The following GET4 variants were observed in gnomAD, a reference collection of about 807,000 sequenced individuals.
GET4 encodes Golgi to ER traffic protein 4 homolog.
A neutral mutation model predicts 40.0 loss-of-function variants in GET4; 20 were observed. The ratio of observed to expected loss-of-function variants is 0.50; its 90% CI spans 0.35 to 0.73. The LOEUF is 0.73. GET4 is among the 30% of genes least tolerant of loss of function. The probability of loss-of-function intolerance (pLI) is 0.01; values close to 1 mark genes in which losing one functional copy is unlikely to be tolerated. For synonymous variants in GET4, 280 were observed against 194.6 expected (o/e 1.44, Z -3.65); for missense variants, 557 against 454.0 (o/e 1.23, Z -2.06).
At chr7:878,270 C>G (rs1402546644) in intron 1 of GET4, 3 of 470,988 alleles carry the variant, frequency 6.4e-6, no homozygotes, top group Admixed American at 2.3e-5. Flanking sequence ...GTCTTCAGGA[C>G]TGCTCTGTTC....
Position 877,090 on chromosome 7 carries a change from C to G in GET4, c.155+290C>G, listed in dbSNP as rs1008539394. On this transcript the variant is annotated intron_variant, in intron 1 of 8. Transcript: ENST00000265857. ...CCTACTCCCAGCCTCCACCTGTTCCCTCCTCCGTCCCCACACGCCCCTCGG... is the reference window on the plus strand; with the variant it reads ...CCTACTCCCAGCCTCCACCTGTTCCGTCCTCCGTCCCCACACGCCCCTCGG... Among the ~76,000 whole-genome samples the G allele has an allele frequency of 5.9e-5, 9 of 151,782 alleles. No homozygotes were observed. The South Asian group carries it at 6.2e-4, about 11-fold the overall frequency.
chr7:878,920 A>G (rs891781561), intron 1 of GET4, among the ~76,000 whole-genome samples: 2 of 152,068 alleles, frequency 1.3e-5, no homozygotes, highest in Non-Finnish European at 2.9e-5. Context: ...TTTATAGCAA[A>G]ATGGAGTGTG....
intron 4 of GET4, 24 bp from the exon 5 acceptor site, chr7:890,904 C>A (rs1305480012): frequency 4.5e-6 from 7 of 1,561,624 alleles, no homozygotes; most frequent in Non-Finnish European, 6.2e-6. Context: ...AATGTATTTA[C>A]ATTTTTCTGT....
rs541379889 is a variant in GET4, at chr7:892,302, T to A, written c.630T>A (p.Ser210Arg). ...VLQFLCLKNK[S>R]SASVVFTTYT... is the part of the protein sequence containing the mutation. ...GGTTTCTCTGTTTAAAAAACAAAAG[T>A]AGCGCATCGGTGGTCTTCACGACGT... Residue 210 changes from serine to arginine, a missense_variant, in exon 6 of 9, where the codon AGT becomes AGA. Physicochemically the swap from Ser to Arg is moderately radical, Grantham distance 110. Transcript: ENST00000265857. 6.3e-7 allele frequency: 1 copy of A among 1,589,480 alleles called. No homozygotes were observed. Among genetic ancestry groups the A allele is most frequent in the East Asian group, 2.3e-5 (1 of 44,046 alleles).
At chr7:885,824 A>T in intron 1 of GET4, 3 of 537,432 alleles carry the variant, frequency 5.6e-6, no homozygotes, top group Non-Finnish European at 1.0e-5. Flanking sequence ...CTCCTGGTGT[A>T]TTTGGACACA....
chr7:878,306 C>A lies in GET4; in HGVS notation c.155+1506C>A, dbSNP rs191363425. On this transcript the variant is annotated intron_variant, in intron 1 of 8. Transcript: ENST00000265857. ...CAGTATTTTTGCTGTCATACAGTTA[C>A]TGCAGAATGTTCAGTTGTTCTGTGT... is the stretch of plus-strand genomic sequence containing the variant. 9.3e-4 allele frequency: 440 copies of A among 471,146 alleles called. 5 individuals carry two copies. In the East Asian group the frequency reaches 0.028, roughly 30 times the overall value. The allele number at this position is 471,146 out of a possible 1,614,324, so 29.2% of individuals were successfully genotyped here.
At chr7:877,264 C>G (rs961611880) in intron 1 of GET4, among the ~76,000 whole-genome samples, 13 of 150,166 alleles carry the variant, frequency 8.7e-5, no homozygotes, top group South Asian at 2.1e-4. Flanking sequence ...CCCGGCCTCT[C>G]CCGGCCCCTC....
chr7:887,838 C>G (rs1338468009), intron 4 of GET4, among the ~76,000 whole-genome samples: 27 of 152,240 alleles, frequency 1.8e-4, no homozygotes. Flanking sequence ...CTTTCCAGCG[C>G]TGGGATGGTG....
chr7:877,161 C>G (rs1024908042), intron 1 of GET4, among the ~76,000 whole-genome samples: 4 of 151,756 alleles, frequency 2.6e-5, no homozygotes, highest in South Asian at 2.1e-4. Context: ...CCTTCGGTCT[C>G]TGTCTCTCTC....
rs775630074 is a variant in GET4 at position 895,347 on chromosome 7, C to T, written c.909C>T (p.Thr303=). ...TCTTCTTTCCAGGGAACCTTCTGAC[C>T]AGCCTCATGGGCTCCTCAGAGCAGG... ...SYGGLLGNLL[T]SLMGSSEQED... Residue 303 remains threonine (T), a synonymous_variant, in exon 9 of 9, where the codon ACC becomes ACT. Transcript: ENST00000265857. The T allele has an allele frequency of 2.0e-5, 31 of 1,574,860 alleles. No homozygotes were observed. The South Asian group carries it at 2.6e-4, about 13-fold the overall frequency.
intron 4 of GET4, among the ~76,000 whole-genome samples, chr7:888,988 G>A (rs1007246275): frequency 8.5e-5 from 13 of 152,276 alleles, no homozygotes; most frequent in African/African-American, 3.1e-4. Flanking sequence ...GGAGAGCCAG[G>A]CAGTGGGTGG....
intron 8 of GET4, 24 bp from the exon 9 acceptor site, chr7:895,310 C>T (rs200957765): frequency 7.7e-7 from 1 of 1,297,102 alleles, no homozygotes; most frequent in Non-Finnish European, 1.1e-6. Flanking sequence ...CCAGGCGTGA[C>T]TGCCACGGTG....
chr7:876,949 G>A (rs1843967146), intron 1 of GET4, 149 bp downstream of exon 1: 2 of 248,558 alleles, frequency 8.0e-6, no homozygotes, highest in South Asian at 1.4e-4. Context: ...GCCCGGCGGA[G>A]GGTCTGGGCC....
intron 5 of GET4, among the ~76,000 whole-genome samples, chr7:892,068 C>T (rs936514242): frequency 3.9e-5 from 6 of 152,384 alleles, no homozygotes; most frequent in Non-Finnish European, 7.3e-5. Context: ...CATTCCCAAG[C>T]TTCATTCTCT....
At chr7:895,007 G>C (rs895974172) in intron 8 of GET4, among the ~76,000 whole-genome samples, 6 of 151,708 alleles carry the variant, frequency 4.0e-5, no homozygotes, top group African/African-American at 1.4e-4. Flanking sequence ...TGGTTCTGTA[G>C]GTCCCTCCGT....
Position 895,443 on chromosome 7 carries a change from A to G in GET4, c.*21A>G, listed in dbSNP as rs762603731. ...ACTGAACTGGCCAGGCCACGTGGAG[A>G]CACCACGGTCGACGACGGCTGGAGG... On this transcript the variant is annotated 3_prime_UTR_variant, in exon 9 of 9. Transcript: ENST00000265857. 8.2e-6 allele frequency: 11 copies of G among 1,349,690 alleles called. No individual in the cohort carries two copies. The South Asian group carries it at 8.4e-5, about 10-fold the overall frequency. 83.6% of individuals were successfully genotyped at this position (1,349,690 alleles called of 1,614,324 possible).
chr7:893,508 GGTTGCAGGTGAGTGTTGGGTGTAGGC>G (rs1844388622), intron 6 of GET4, among the ~76,000 whole-genome samples: 2 of 117,166 alleles, frequency 1.7e-5, no homozygotes, highest in African/African-American at 5.6e-5. Flanking sequence ...CGGGCATGGT[GGTTGCAGGTGAGTGTTGGGTGTAGGC>G]GTGGTGGTGT....
chr7:895,734 C>CTGAT lies in GET4; in HGVS notation c.*313_*316dup, dbSNP rs1197847152. The CTGAT allele has an allele frequency of 4.9e-6, 1 of 205,084 alleles. No homozygotes were observed. Among genetic ancestry groups the CTGAT allele is most frequent in the Non-Finnish European group, 9.8e-6 (1 of 101,964 alleles). 12.7% of individuals were successfully genotyped at this position (205,084 alleles called of 1,614,324 possible). A position where few individuals can be genotyped will look rare whatever the true frequency, so the allele number is the denominator to read the frequency against. On this transcript the variant is annotated 3_prime_UTR_variant, in exon 9 of 9. Transcript: ENST00000265857. ...TTTGTTCTGGGTCCTTTCGGGAGGG[C>CTGAT]TGATGGGCAGCACAGGAGGCCCGTC...
chr7:885,843 C>T (rs1484811273), intron 1 of GET4: 4 of 578,556 alleles, frequency 6.9e-6, no homozygotes, highest in Non-Finnish European at 1.2e-5. Context: ...CAGATAGGCC[C>T]TTAGTGTCCA....
Sources: allele counts gnomAD v4.1 joint callset (sites outside exome capture counted in the v4.1 genomes callset), GRCh38; gene constraint gnomAD v4.1.1; transcripts MANE v1.5; gene names NCBI Gene and HGNC (gene_info 2026-07-23, HGNC 2026-07-21).